The following CAPZB variants were observed in gnomAD, a reference collection of about 807,000 sequenced individuals.
CAPZB encodes capping actin protein of muscle Z-line subunit beta.
CAPZB carries 2 observed loss-of-function variants against 38.1 expected under a neutral mutation model. That is an observed-to-expected ratio of 0.05 (90% CI 0.02 to 0.17). CAPZB has a LOEUF of 0.17. Ranked by LOEUF, CAPZB falls within the 10% of genes least tolerant of loss-of-function variation. The pLI, the probability that CAPZB is intolerant of heterozygous loss-of-function variation, is 1.00. For synonymous variants in CAPZB, 107 were observed against 127.4 expected, an observed-to-expected ratio of 0.84 and a Z score of 1.08; for missense variants, 161 against 334.2, an observed-to-expected ratio of 0.48 and a Z score of 4.04.
intron 1 of CAPZB, among the ~76,000 whole-genome samples, chr1:19,477,538 A>G (rs377511750): frequency 2.6e-5 from 4 of 152,264 alleles, no homozygotes; most frequent in Admixed American, 2.0e-4. Flanking sequence ...TGAGCACAAA[A>G]CTGCAACGCA....
intron 1 of CAPZB, among the ~76,000 whole-genome samples, chr1:19,436,262 T>C (rs1001226887): frequency 6.6e-6 from 1 of 152,194 alleles, no homozygotes; most frequent in Non-Finnish European, 1.5e-5. Context: ...TGAATCATCT[T>C]TTTGTCCCGC....
intron 1 of CAPZB, among the ~76,000 whole-genome samples, chr1:19,479,620 C>T (rs1299079911): frequency 6.6e-6 from 1 of 152,174 alleles, no homozygotes; most frequent in Non-Finnish European, 1.5e-5. Context: ...CTTTCCACAC[C>T]CACAGCTGCA....
intron 2 of CAPZB, among the ~76,000 whole-genome samples, chr1:19,418,384 G>C (rs1453402879): frequency 2.0e-5 from 3 of 152,092 alleles, no homozygotes; most frequent in Admixed American, 6.5e-5. Flanking sequence ...GGGGACCCCT[G>C]ATCCTGAGCA....
intron 2 of CAPZB, among the ~76,000 whole-genome samples, chr1:19,397,221 C>T (rs1038943985): frequency 9.9e-5 from 15 of 152,274 alleles, no homozygotes; most frequent in African/African-American, 3.6e-4. Flanking sequence ...AACCTATGGA[C>T]AACATTAAGT....
At position 19,457,937 on chromosome 1, in the gene CAPZB, G is replaced by T. The variant is rs117595319; in HGVS notation, c.3+27499C>A. 9.9e-3 allele frequency among the ~76,000 whole-genome samples: 1,504 copies of T among 152,276 alleles called. 60 individuals are homozygous for T. The East Asian group carries it at 0.12, about 13-fold the overall frequency. On this transcript the variant is annotated intron_variant, in intron 1 of 8. Transcript: ENST00000264202. ...ACCCCCCTGCCATCTGATGTTTAAG[G>T]AGTAAACAGCCAGTAAGCAATGATG...
chr1:19,473,865 A>T (rs1259326415), intron 1 of CAPZB, among the ~76,000 whole-genome samples: 3 of 151,838 alleles, frequency 2.0e-5, no homozygotes, highest in African/African-American at 7.3e-5. Context: ...ATTCTGTCTT[A>T]AAAAAAAGAG....
At chr1:19,437,126 C>T (rs1323782735) in intron 1 of CAPZB, among the ~76,000 whole-genome samples, 1 of 152,222 alleles carries the variant, frequency 6.6e-6, no homozygotes, top group Non-Finnish European at 1.5e-5. Flanking sequence ...AGGTGTTTTC[C>T]TGTTTCATGA....
chr1:19,477,062 C>T (rs576680541), intron 1 of CAPZB, among the ~76,000 whole-genome samples: 6 of 152,244 alleles, frequency 3.9e-5, no homozygotes, highest in Non-Finnish European at 5.9e-5. Flanking sequence ...AAACAGACCT[C>T]ACAGGGTTGG....
chr1:19,372,214 C>G (rs185115673), intron 4 of CAPZB, among the ~76,000 whole-genome samples: 8 of 152,360 alleles, frequency 5.3e-5, no homozygotes, highest in Non-Finnish European at 1.2e-4. Context: ...CTTCATTAGG[C>G]TTTGATTTCA....
At chr1:19,445,031 C>T (rs2094491607) in intron 1 of CAPZB, among the ~76,000 whole-genome samples, 1 of 152,148 alleles carries the variant, frequency 6.6e-6, no homozygotes, top group South Asian at 2.1e-4. Context: ...GTGTAAGCCA[C>T]CACGCCTGGC....
rs192361386 is a variant in CAPZB at position 19,378,113 on chromosome 1, C to T, written c.329+427G>A. ...CCTTGCTGTGGACAAATACTTTAATCTGTGTCTTAATTTCTTAATCTGAGA... is the reference window on the plus strand; with the variant it reads ...CCTTGCTGTGGACAAATACTTTAATTTGTGTCTTAATTTCTTAATCTGAGA... On this transcript the variant is annotated intron_variant, in intron 4 of 8. Coordinates refer to ENST00000264202, the MANE Select transcript of CAPZB (RefSeq NM_004930.5). Among the ~76,000 whole-genome samples, 51 of 152,288 alleles carry T rather than the reference C, an allele frequency of 3.3e-4. 1 individual carries two copies. The highest frequency in any genetic ancestry group is 1.2e-3 in the African/African-American group (48 of 41,562).
intron 4 of CAPZB, among the ~76,000 whole-genome samples, chr1:19,366,283 A>AAAATATAT (rs2094085270): frequency 1.7e-5 from 1 of 60,504 alleles, no homozygotes; most frequent in African/African-American, 6.4e-5. Flanking sequence ...CGTGTCTTAA[A>AAAATATAT]ATATATATAT....
chr1:19,365,516 T>A (rs930594684), intron 4 of CAPZB, among the ~76,000 whole-genome samples: 1 of 152,134 alleles, frequency 6.6e-6, no homozygotes, highest in African/African-American at 2.4e-5. Flanking sequence ...GGGCACTTTT[T>A]TCATGTTGGA....
In CAPZB at chr1:19,458,258, A is replaced by G. The variant is rs534996536; in HGVS notation, c.3+27178T>C. 2.0e-5 allele frequency among the ~76,000 whole-genome samples: 3 copies of G among 152,336 alleles called. No homozygotes were observed. In the South Asian group the frequency reaches 6.2e-4, roughly 32 times the overall value. On this transcript the variant is annotated intron_variant, in intron 1 of 8. Coordinates refer to ENST00000264202, the MANE Select transcript of CAPZB (RefSeq NM_004930.5). ...GTGGCACTTTCACATGGGTCAACAT[A>G]ATATTTTTTGAAAGTTTTAATACTT...
At chr1:19,467,364 G>C (rs2094572370) in intron 1 of CAPZB, among the ~76,000 whole-genome samples, 1 of 152,182 alleles carries the variant, frequency 6.6e-6, no homozygotes, top group African/African-American at 2.4e-5. Context: ...AGGGAGAAGG[G>C]AGGCAAAGAG....
chr1:19,431,905 C>T (rs910671000), intron 1 of CAPZB, among the ~76,000 whole-genome samples: 5 of 150,710 alleles, frequency 3.3e-5, no homozygotes, highest in African/African-American at 9.8e-5. Context: ...AGCGAGACCC[C>T]GTCTCTACAA....
At chr1:19,350,987 CT>C (rs72134938) in intron 6 of CAPZB, among the ~76,000 whole-genome samples, 254 of 140,636 alleles carry the variant, frequency 1.8e-3, no homozygotes, top group Admixed American at 2.6e-3. Flanking sequence ...ATGATCTTTC[CT>C]TTTTTTTTTT....
chr1:19,432,599 G>A (rs557224391), intron 1 of CAPZB, among the ~76,000 whole-genome samples: 137 of 152,308 alleles, frequency 9.0e-4, no homozygotes, highest in African/African-American at 3.0e-3. Context: ...AGGGTGGCCC[G>A]GCATGGGCCA....
intron 4 of CAPZB, among the ~76,000 whole-genome samples, chr1:19,366,230 T>C (rs1289148160): frequency 1.3e-5 from 2 of 149,452 alleles, no homozygotes; most frequent in Non-Finnish European, 2.9e-5. Context: ...GGGGATCACT[T>C]GACTCCAGGA....
Sources: allele counts gnomAD v4.1 joint callset (sites outside exome capture counted in the v4.1 genomes callset), GRCh38; gene constraint gnomAD v4.1.1; transcripts MANE v1.5; gene names NCBI Gene and HGNC (gene_info 2026-07-23, HGNC 2026-07-21).